The following ATAD2B variants were observed in gnomAD, a reference collection of about 807,000 sequenced individuals.
ATAD2B encodes ATPase family AAA domain-containing protein 2B.
Under a neutral mutation model 167.6 loss-of-function variants are expected in ATAD2B, and 40 were observed. That is an observed-to-expected ratio of 0.24 (90% CI 0.19 to 0.31). The LOEUF is 0.31. ATAD2B is among the 10% of genes least tolerant of loss of function. The probability of loss-of-function intolerance (pLI) is 1.00; values close to 1 mark genes in which losing one functional copy is unlikely to be tolerated. For synonymous variants in ATAD2B, 579 were observed against 596.5 expected, an observed-to-expected ratio of 0.97 and a Z score of 0.43; for missense variants, 1,242 against 1,757.2, an observed-to-expected ratio of 0.71 and a Z score of 5.24.
rs374923763 is a variant in ATAD2B, at chr2:23,771,467, G to A, written c.3134-5839C>T. On this transcript the variant is annotated intron_variant, in intron 22 of 27. Coordinates refer to ENST00000238789, the MANE Select transcript of ATAD2B (RefSeq NM_017552.4). ...ATCATTTATCACTGAACTGAAAAGC[G>A]GGGATAGGGGGAATAATTTTGTTCC... Among the ~76,000 whole-genome samples the A allele has an allele frequency of 6.6e-5, 10 of 152,278 alleles. No homozygotes were observed. The South Asian group carries it at 1.0e-3, about 16-fold the overall frequency.
At chr2:23,742,344 C>T in the ATAD2B span, among the ~76,000 whole-genome samples, 1 of 150,930 alleles carries the variant, frequency 6.6e-6, no homozygotes, top group Non-Finnish European at 1.5e-5. Flanking sequence ...GAAAATGTGG[C>T]ACATATACAC....
At chr2:23,741,940 A>G in the ATAD2B span, among the ~76,000 whole-genome samples, 2 of 152,226 alleles carry the variant, frequency 1.3e-5, no homozygotes, top group South Asian at 4.1e-4. Context: ...GCAGCCAAAA[A>G]ACACATGAAA....
At chr2:23,772,628 GAATA>G (rs759597581) in intron 22 of ATAD2B, among the ~76,000 whole-genome samples, 15 of 149,918 alleles carry the variant, frequency 1.0e-4, no homozygotes, top group Non-Finnish European at 1.6e-4. Flanking sequence ...CAAGAAAAAA[GAATA>G]AATGAAGAAA....
At chr2:23,873,182 A>G (rs1696272681) in intron 8 of ATAD2B, among the ~76,000 whole-genome samples, 2 of 152,350 alleles carry the variant, frequency 1.3e-5, no homozygotes, top group African/African-American at 4.8e-5. Flanking sequence ...TATTGGGCCT[A>G]TAACATATAG....
At chr2:23,901,622 C>T (rs968252784) in intron 1 of ATAD2B, among the ~76,000 whole-genome samples, 1 of 151,976 alleles carries the variant, frequency 6.6e-6, no homozygotes, top group Admixed American at 6.6e-5. Flanking sequence ...GAAATTTGTT[C>T]ACAAATTATT....
the ATAD2B span, chr2:23,684,261 G>T: frequency 1.7e-6 from 1 of 574,270 alleles, no homozygotes; most frequent in Non-Finnish European, 2.7e-6. This position sits in a 1 kb window ranked among gnomAD's most constrained non-coding sequence, Gnocchi z 4.4. Flanking sequence ...TGTCAGTGTT[G>T]AGCCAGTCTT....
At chr2:23,717,890 C>CA in the ATAD2B span, among the ~76,000 whole-genome samples, 1 of 151,906 alleles carries the variant, frequency 6.6e-6, no homozygotes. Context: ...GGAGAATTAG[C>CA]AAAAAATTAT....
the ATAD2B span, among the ~76,000 whole-genome samples, chr2:23,741,432 G>A: frequency 2.0e-5 from 3 of 152,078 alleles, no homozygotes; most frequent in South Asian, 6.2e-4. Context: ...TGACAAACCT[G>A]ACAAAAACAA....
chr2:23,712,864 C>T, the ATAD2B span, among the ~76,000 whole-genome samples: 1 of 152,136 alleles, frequency 6.6e-6, no homozygotes, highest in Admixed American at 6.5e-5. Context: ...ATATGCAGGT[C>T]ATTTGGGTGT....
At chr2:23,854,204 G>A (rs771046222) in intron 13 of ATAD2B, among the ~76,000 whole-genome samples, 4 of 151,428 alleles carry the variant, frequency 2.6e-5, no homozygotes, top group Non-Finnish European at 5.9e-5. Context: ...GAGATCGCGC[G>A]ACTGCACTCC....
intron 19 of ATAD2B, 97 bp downstream of exon 19, chr2:23,798,041 G>T: frequency 1.3e-6 from 1 of 783,344 alleles, no homozygotes; most frequent in Non-Finnish European, 1.9e-6. Context: ...AACCCTGGCA[G>T]TATTAATTTT....
chr2:23,797,578 T>C (rs1443437622), intron 19 of ATAD2B, among the ~76,000 whole-genome samples: 1 of 152,108 alleles, frequency 6.6e-6, no homozygotes, highest in South Asian at 2.1e-4. Flanking sequence ...TTTTCCAAAA[T>C]GCCTGAGACC....
intron 1 of ATAD2B, among the ~76,000 whole-genome samples, chr2:23,906,242 G>C (rs1350865272): frequency 6.6e-6 from 1 of 152,002 alleles, no homozygotes; most frequent in African/African-American, 2.4e-5. Context: ...TCAGGAGACT[G>C]AGACAGGAGA....
chr2:23,721,705 G>A, the ATAD2B span, among the ~76,000 whole-genome samples: 1 of 152,168 alleles, frequency 6.6e-6, no homozygotes, highest in Non-Finnish European at 1.5e-5. Flanking sequence ...TGCTAAGCCA[G>A]AGAAACAGTC....
intron 15 of ATAD2B, among the ~76,000 whole-genome samples, chr2:23,825,342 AACTTAATATG>A (rs1413478029): frequency 6.6e-6 from 1 of 152,138 alleles, no homozygotes; most frequent in African/African-American, 2.4e-5. Context: ...GTTAGGGAAA[AACTTAATATG>A]ACCTAGAAGA....
At chr2:23,678,871 G>A in the ATAD2B span, among the ~76,000 whole-genome samples, 1 of 152,146 alleles carries the variant, frequency 6.6e-6, no homozygotes, top group African/African-American at 2.4e-5. Context: ...AACTCATAGA[G>A]ACAGAAAGTA....
intron 18 of ATAD2B, among the ~76,000 whole-genome samples, chr2:23,804,290 T>C (rs1683976894): frequency 6.6e-6 from 1 of 152,180 alleles, no homozygotes; most frequent in Non-Finnish European, 1.5e-5. Context: ...TTAAGACACA[T>C]ATAATCACAG....
At chr2:23,855,669 G>A (rs1314199826) in intron 13 of ATAD2B, among the ~76,000 whole-genome samples, 2 of 152,166 alleles carry the variant, frequency 1.3e-5, no homozygotes, top group East Asian at 3.8e-4. Context: ...TGGAGGGCTC[G>A]CTTGAGACTA....
chr2:23,910,473 C>G (rs1050945383), intron 1 of ATAD2B, among the ~76,000 whole-genome samples: 5 of 151,828 alleles, frequency 3.3e-5, no homozygotes, highest in South Asian at 4.2e-4. Context: ...CCACTGCGCC[C>G]GGCCTGCATA....
Sources: gnomAD v4.1 joint callset for allele counts (sites outside exome capture counted in the v4.1 genomes callset) on GRCh38, gnomAD v4.1.1 for gene constraint, Gnocchi (gnomAD v3.1) non-coding constraint, MANE v1.5 for transcripts, NCBI Gene and HGNC (gene_info 2026-07-23, HGNC 2026-07-21) for gene names.